DIAPH2: variants seen among roughly 807,000 people sequenced by gnomAD.
The protein encoded by DIAPH2 is protein diaphanous homolog 2.
DIAPH2 carries 35 observed loss-of-function variants against 92.7 expected under a neutral mutation model. That is an observed-to-expected ratio of 0.38 (90% CI 0.29 to 0.50). The LOEUF is 0.50. Among genes scored for constraint, DIAPH2 ranks in the 20% least tolerant of loss-of-function variants. The probability of loss-of-function intolerance (pLI) is 0.94; values close to 1 mark genes in which losing one functional copy is unlikely to be tolerated. For missense variants in DIAPH2, 701 were observed against 819.5 expected, an observed-to-expected ratio of 0.86 and a Z score of 1.77; for synonymous variants, 301 against 280.4, an observed-to-expected ratio of 1.07 and a Z score of -0.73.
At chrX:97,272,456 C>T in intron 23 of DIAPH2, among the ~76,000 whole-genome samples, 1 of 112,040 alleles carries the variant, frequency 8.9e-6, no homozygotes, top group Middle Eastern at 4.6e-3. Context: ...TTTAATGTAG[C>T]ATCAAATCTT....
At chrX:97,517,929 T>TA (rs1229123287) in intron 26 of DIAPH2, among the ~76,000 whole-genome samples, 4 of 112,466 alleles carry the variant, frequency 3.6e-5, no homozygotes, top group Non-Finnish European at 3.8e-5. Context: ...AGGTGTCTGT[T>TA]ACAGGATGAG....
At chrX:96,903,786 G>T (rs1356979801) in intron 5 of DIAPH2, among the ~76,000 whole-genome samples, 1 of 111,816 alleles carries the variant, frequency 8.9e-6, no homozygotes, top group Non-Finnish European at 1.9e-5. Context: ...AAATATTCTT[G>T]ATTGTTAGCC....
At chrX:97,445,916 A>G (rs909724188) in intron 26 of DIAPH2, among the ~76,000 whole-genome samples, 4 of 109,821 alleles carry the variant, frequency 3.6e-5, no homozygotes, top group Non-Finnish European at 7.6e-5. Context: ...ATGGGGGGGA[A>G]AAAAAACCAA....
chrX:97,321,438 T>C (rs1323172621), intron 23 of DIAPH2, among the ~76,000 whole-genome samples: 2 of 110,669 alleles, frequency 1.8e-5, no homozygotes, highest in Non-Finnish European at 3.8e-5. Context: ...ATAAGTAATA[T>C]AAATTAAATG....
intron 24 of DIAPH2, 64 bp downstream of exon 24, chrX:97,348,344 A>G (rs1274086184): frequency 3.0e-6 from 3 of 988,711 alleles, no homozygotes; most frequent in East Asian, 3.2e-5. Context: ...TTTTCCTTCT[A>G]TTGTCATTTT....
intron 5 of DIAPH2, among the ~76,000 whole-genome samples, chrX:96,902,830 C>T (rs1249756745): frequency 9.0e-6 from 1 of 111,304 alleles, no homozygotes; most frequent in Non-Finnish European, 1.9e-5. Flanking sequence ...AAAGCAGTAC[C>T]TGTTACAGAT....
intron 26 of DIAPH2, among the ~76,000 whole-genome samples, chrX:97,432,663 T>G (rs1211766334): frequency 1.8e-5 from 2 of 111,047 alleles, no homozygotes; most frequent in African/African-American, 6.6e-5. Flanking sequence ...GTTTTTGTAT[T>G]TTTAGTAGAG....
chrX:97,067,213 A>G (rs2066639838), intron 17 of DIAPH2, among the ~76,000 whole-genome samples: 1 of 111,956 alleles, frequency 8.9e-6, no homozygotes, highest in African/African-American at 3.2e-5. Flanking sequence ...TTGAACACAA[A>G]ATAGTGGTTC....
chrX:97,313,708 G>A (rs1039051548), intron 23 of DIAPH2, among the ~76,000 whole-genome samples: 1 of 109,296 alleles, frequency 9.1e-6, no homozygotes, highest in Non-Finnish European at 1.9e-5. Flanking sequence ...GTGTGATCTC[G>A]GCTCACTGCA....
intron 1 of DIAPH2, among the ~76,000 whole-genome samples, chrX:96,733,477 G>C (rs1362210206): frequency 1.8e-5 from 2 of 111,242 alleles, no homozygotes; most frequent in African/African-American, 6.5e-5. Context: ...GGAATGAAGG[G>C]AGAGTAGTAG....
chrX:97,149,819 T>G (rs2067273769), intron 22 of DIAPH2, among the ~76,000 whole-genome samples: 1 of 107,695 alleles, frequency 9.3e-6, no homozygotes. Flanking sequence ...ACCATAAATA[T>G]GTTATAAAAT....
intron 26 of DIAPH2, among the ~76,000 whole-genome samples, chrX:97,503,545 C>T (rs1384603168): frequency 8.9e-6 from 1 of 111,992 alleles, no homozygotes; most frequent in East Asian, 2.8e-4. Flanking sequence ...GACTATAATG[C>T]AGATTTCTTG....
intron 4 of DIAPH2, among the ~76,000 whole-genome samples, chrX:96,805,210 CACACACACACAT>C (rs1353785448): frequency 5.1e-4 from 4 of 7,915 alleles, no homozygotes; most frequent in Non-Finnish European, 7.2e-4. Context: ...TATATTTATA[CACACACACACAT>C]ACACACACAT....
At chrX:97,333,817 G>A (rs1354804940) in intron 23 of DIAPH2, among the ~76,000 whole-genome samples, 14 of 109,959 alleles carry the variant, frequency 1.3e-4, no homozygotes, top group African/African-American at 4.6e-4. Flanking sequence ...CGCCCGCCTC[G>A]GCCTCCCAAA....
intron 10 of DIAPH2, among the ~76,000 whole-genome samples, chrX:96,931,722 G>A (rs1425660493): frequency 3.6e-5 from 4 of 111,432 alleles, no homozygotes; most frequent in African/African-American, 1.3e-4. Context: ...ATTTCCTGGT[G>A]AGGAATCAAT....
chrX:96,729,086 A>T lies in DIAPH2; in HGVS notation c.133-6672A>T, dbSNP rs777220987. ...CAGAAATGTGGAGACAACTCAAAGT[A>T]AGGCCTCCCTACTGGGGGCTTCCAG... On this transcript the variant is annotated intron_variant, in intron 1 of 26. Transcript: ENST00000324765. 1.5e-3 allele frequency among the ~76,000 whole-genome samples: 165 copies of T among 112,197 alleles called. 1 individual carries two copies. The highest frequency in any genetic ancestry group is 1.8e-3 in the Non-Finnish European group (95 of 53,235).
chrX:96,694,860 G>A (rs1432993174), intron 1 of DIAPH2, among the ~76,000 whole-genome samples: 4 of 110,903 alleles, frequency 3.6e-5, no homozygotes, highest in Non-Finnish European at 7.5e-5. Flanking sequence ...AAACTTCTTA[G>A]GGTGCCCTCA....
At chrX:96,737,910 G>A (rs1217156149) in intron 2 of DIAPH2, among the ~76,000 whole-genome samples, 1 of 111,653 alleles carries the variant, frequency 9.0e-6, no homozygotes, top group Non-Finnish European at 1.9e-5. Context: ...ATAAATAGCA[G>A]CTAAGTGCAA....
At chrX:97,121,529 A>T (rs1602356179) in intron 21 of DIAPH2, among the ~76,000 whole-genome samples, 1 of 112,431 alleles carries the variant, frequency 8.9e-6, no homozygotes, top group East Asian at 2.8e-4. Context: ...AGACAATTTG[A>T]TTAAATAGAG....
Sources: gnomAD v4.1 joint callset for allele counts (sites outside exome capture counted in the v4.1 genomes callset) on GRCh38, gnomAD v4.1.1 for gene constraint, MANE v1.5 for transcripts, NCBI Gene and HGNC (gene_info 2026-07-23, HGNC 2026-07-21) for gene names.